Variants in USP40 observed in about 807,000 individuals in gnomAD.
USP40 encodes ubiquitin specific peptidase 40, also known as ubiquitin carboxyl-terminal hydrolase 40.
In USP40, 143 loss-of-function variants were observed where a neutral mutation model predicts 166.2. That is an observed-to-expected ratio of 0.86 (90% CI 0.75 to 0.99). The LOEUF is 0.99. Ranked by LOEUF, USP40 falls within the 50% of genes least tolerant of loss-of-function variation. The pLI is 0.00. For synonymous variants in USP40, 498 were observed against 524.0 expected (o/e 0.95, Z 0.68); for missense variants, 1,444 against 1,479.7 (o/e 0.98, Z 0.40).
chr2:233,544,252 G>A (rs1381803757), intron 8 of USP40, among the ~76,000 whole-genome samples: 1 of 152,074 alleles, frequency 6.6e-6, no homozygotes, highest in African/African-American at 2.4e-5. Flanking sequence ...ACAGACATAG[G>A]GCAAGGTCCA....
chr2:233,493,389 G>A lies in USP40; in HGVS notation c.2917+36C>T, dbSNP rs751861260. 4 of 1,613,808 alleles carry A rather than the reference G, an allele frequency of 2.5e-6. No homozygotes were observed. Among genetic ancestry groups the A allele is most frequent in the Non-Finnish European group, 3.4e-6 (4 of 1,179,812 alleles). Reference sequence around the variant, plus strand: ...AGGCAGTCAATTTACTTCTCTTTATGATGCACTGGCTGCTGAAATCCCATT... The same window carrying A: ...AGGCAGTCAATTTACTTCTCTTTATAATGCACTGGCTGCTGAAATCCCATT... On this transcript the variant is annotated intron_variant, in intron 25 of 31. Coordinates refer to ENST00000678225, the MANE Select transcript of USP40 (RefSeq NM_001365479.2). The surrounding 1 kb of genome is among the most constrained non-coding windows in gnomAD (Gnocchi z 4.7).
chr2:233,483,765 C>T (rs1422955201), intron 30 of USP40, among the ~76,000 whole-genome samples: 1 of 152,070 alleles, frequency 6.6e-6, no homozygotes, highest in Admixed American at 6.5e-5. Flanking sequence ...ATTCCAAAAC[C>T]CGAAAAAACC....
chr2:233,510,637 C>G (rs2125154381), intron 20 of USP40, among the ~76,000 whole-genome samples: 1 of 152,120 alleles, frequency 6.6e-6, no homozygotes, highest in Admixed American at 6.5e-5. Context: ...CTCCTGACTT[C>G]AGGTGATCCA....
intron 26 of USP40, among the ~76,000 whole-genome samples, chr2:233,490,146 C>G (rs375708922): frequency 1.4e-5 from 2 of 147,154 alleles, no homozygotes; most frequent in East Asian, 3.9e-4. Flanking sequence ...AGGCTGTCTG[C>G]TTTTTCTTTT....
At chr2:233,488,378 T>G in intron 27 of USP40, 74 bp from the exon 28 acceptor site, 1 of 1,393,500 alleles carries the variant, frequency 7.2e-7, no homozygotes, top group Non-Finnish European at 9.8e-7. Flanking sequence ...TCCCCCAATT[T>G]TAAGCTTTTT....
In USP40 at chr2:233,493,475, G is replaced by T. The variant is rs374005547; in HGVS notation, c.2867C>A (p.Thr956Asn). ...TCTGCCCCAAGACGAAGTACAGTTG[G>T]TCTGGTCCTGATGACTCTCCCAGTG... ...SGHWESHQDQ[T>N]NCTSSWGRVW... Residue 956 changes from threonine (T) to asparagine (N), a missense_variant, in exon 25 of 32, where the codon ACC becomes AAC. Physicochemically the swap from Thr to Asn is moderately conservative, Grantham distance 65. Coordinates refer to ENST00000678225, the MANE Select transcript of USP40 (RefSeq NM_001365479.2). This position sits in a 1 kb window ranked among gnomAD's most constrained non-coding sequence, Gnocchi z 4.7. The T allele has an allele frequency of 6.2e-7, 1 of 1,613,972 alleles. No homozygotes were observed. Among genetic ancestry groups the T allele is most frequent in the Non-Finnish European group, 8.5e-7 (1 of 1,179,880 alleles).
chr2:233,542,193 T>G, intron 9 of USP40, 75 bp downstream of exon 9: 1 of 743,188 alleles, frequency 1.3e-6, no homozygotes, highest in Non-Finnish European at 2.0e-6. Flanking sequence ...GCATACATTC[T>G]TACATATATA....
At chr2:233,483,930 T>C (rs2064783705) in intron 30 of USP40, among the ~76,000 whole-genome samples, 1 of 152,252 alleles carries the variant, frequency 6.6e-6, no homozygotes, top group South Asian at 2.1e-4. Context: ...CATTTTTTAA[T>C]GTTGCCTCAA....
chr2:233,482,398 T>A (rs182766091), intron 30 of USP40, among the ~76,000 whole-genome samples: 1 of 152,058 alleles, frequency 6.6e-6, no homozygotes, highest in East Asian at 1.9e-4. Flanking sequence ...TTCTTTCCAC[T>A]TCATTCTATT....
intron 8 of USP40, among the ~76,000 whole-genome samples, chr2:233,544,288 T>C (rs1311916975): frequency 6.6e-6 from 1 of 152,172 alleles, no homozygotes; most frequent in Admixed American, 6.5e-5. Context: ...CAGGAAACTC[T>C]GTTTCCGTGG....
intron 10 of USP40, among the ~76,000 whole-genome samples, chr2:233,536,378 C>G (rs1234567285): frequency 6.6e-6 from 1 of 152,030 alleles, no homozygotes; most frequent in Non-Finnish European, 1.5e-5. Flanking sequence ...AAAAAATTAG[C>G]AAAGCTGAGG....
intron 21 of USP40, among the ~76,000 whole-genome samples, chr2:233,508,579 T>C (rs1364158264): frequency 6.6e-6 from 1 of 152,208 alleles, no homozygotes; most frequent in Non-Finnish European, 1.5e-5. Context: ...TGTCTGAGTG[T>C]TGCTCTTTTT....
Position 233,533,725 on chromosome 2 carries a change from G to A in USP40, c.1225C>T (p.Arg409Cys), listed in dbSNP as rs774104915. Residue 409 changes from arginine (R) to cysteine (C), a missense_variant, in exon 11 of 32, where the codon CGT becomes TGT. Arg to Cys is a radical substitution (Grantham distance 180). Coordinates refer to ENST00000678225, the MANE Select transcript of USP40 (RefSeq NM_001365479.2). Reference sequence around the variant, plus strand: ...TGGAGAGAACTATTCTTCAAGAGACGAACTGTACTTTCATCTGAACTGAGT... The same window carrying A: ...TGGAGAGAACTATTCTTCAAGAGACAAACTGTACTTTCATCTGAACTGAGT... ...FLLSSDESTV[R>C]LLKNSSLQAE... 13 of 1,612,588 alleles carry A rather than the reference G, an allele frequency of 8.1e-6. No individual in the cohort carries two copies. Among genetic ancestry groups the A allele is most frequent in the South Asian group, 5.5e-5 (5 of 90,888 alleles).
intron 5 of USP40, 76 bp from the exon 6 acceptor site, chr2:233,554,602 T>C (rs2070883480): frequency 8.4e-7 from 1 of 1,188,664 alleles, no homozygotes; most frequent in East Asian, 2.6e-5. Flanking sequence ...ACATATATAT[T>C]GGGAATAATC....
Position 233,493,326 on chromosome 2 carries a change from G to T in USP40, c.2917+99C>A. 6.6e-7 allele frequency: 1 copy of T among 1,511,920 alleles called. No homozygotes were observed. Among genetic ancestry groups the T allele is most frequent in the Non-Finnish European group, 9.1e-7 (1 of 1,104,348 alleles). 93.7% of individuals were successfully genotyped at this position (1,511,920 alleles called of 1,614,324 possible). ...TAGGTCTTGATTTTCAAGATCTTAC[G>T]TTTTAAAAATAAATATATCAATTGA... On this transcript the variant is annotated intron_variant, in intron 25 of 31. Coordinates refer to ENST00000678225, the MANE Select transcript of USP40 (RefSeq NM_001365479.2). This position sits in a 1 kb window ranked among gnomAD's most constrained non-coding sequence, Gnocchi z 4.7.
chr2:233,498,797 T>C (rs2065890424), intron 22 of USP40, among the ~76,000 whole-genome samples, 185 bp from the exon 23 acceptor site: 1 of 152,250 alleles, frequency 6.6e-6, no homozygotes, highest in Non-Finnish European at 1.5e-5. Flanking sequence ...GAATGAGGTC[T>C]CATCAAGCTC....
intron 30 of USP40, among the ~76,000 whole-genome samples, chr2:233,485,248 T>G (rs1048748397): frequency 6.6e-6 from 1 of 152,236 alleles, no homozygotes; most frequent in Non-Finnish European, 1.5e-5. Flanking sequence ...AAAAACATAC[T>G]TGCTGGGCTG....
intron 23 of USP40, 67 bp downstream of exon 23, chr2:233,498,481 G>C: frequency 2.8e-6 from 4 of 1,415,302 alleles, no homozygotes; most frequent in Non-Finnish European, 3.9e-6. Flanking sequence ...AGTGGAATGG[G>C]TACCTTGTAC....
At chr2:233,549,411 G>A (rs147298663) in intron 7 of USP40, among the ~76,000 whole-genome samples, 182 bp from the exon 8 acceptor site, 250 of 151,984 alleles carry the variant, frequency 1.6e-3, no homozygotes, top group Non-Finnish European at 2.4e-3. Flanking sequence ...TGATCTAATG[G>A]CCAGTCACAC....
Sources: allele counts gnomAD v4.1 joint callset (sites outside exome capture counted in the v4.1 genomes callset), GRCh38; gene constraint gnomAD v4.1.1; non-coding constraint Gnocchi (gnomAD v3.1); transcripts MANE v1.5; gene names NCBI Gene and HGNC (gene_info 2026-07-23, HGNC 2026-07-21).